Variants in CCDC192 observed in about 807,000 individuals in gnomAD.
CCDC192 encodes coiled-coil domain containing 192, also known as coiled-coil domain-containing protein 192.
chr5:127,764,824 C>T (rs1755129760), intron 3 of CCDC192, among the ~76,000 whole-genome samples: 1 of 152,102 alleles, frequency 6.6e-6, no homozygotes, highest in Non-Finnish European at 1.5e-5. Flanking sequence ...CATCCTGGGC[C>T]ACATGTGGCC....
At chr5:127,806,680 TAAGACA>T (rs1757802904) in intron 5 of CCDC192, among the ~76,000 whole-genome samples, 1 of 152,130 alleles carries the variant, frequency 6.6e-6, no homozygotes, top group East Asian at 1.9e-4. Context: ...GGGAACAATG[TAAGACA>T]GTCTCAGCTC....
At chr5:127,702,516 T>C (rs939909560), upstream of CCDC192, among the ~76,000 whole-genome samples, 6 of 152,262 alleles carry the variant, frequency 3.9e-5, no homozygotes, top group Non-Finnish European at 7.3e-5. Context: ...TACTCTTTAA[T>C]AGATCAGTCT....
chr5:127,873,435 C>G (rs937388160), intron 5 of CCDC192, among the ~76,000 whole-genome samples: 3 of 152,146 alleles, frequency 2.0e-5, no homozygotes, highest in African/African-American at 4.8e-5. Flanking sequence ...AAACTAGATT[C>G]TATAGTGAAT....
intron 2 of CCDC192, among the ~76,000 whole-genome samples, chr5:127,718,623 C>G (rs1164083954): frequency 2.0e-5 from 3 of 152,164 alleles, no homozygotes; most frequent in Non-Finnish European, 4.4e-5. Flanking sequence ...TTACTCTGTA[C>G]TAACACTTTG....
intron 3 of CCDC192, among the ~76,000 whole-genome samples, chr5:127,788,082 A>AG (rs1376146977): frequency 2.0e-5 from 2 of 100,712 alleles, no homozygotes; most frequent in Non-Finnish European, 4.0e-5. Flanking sequence ...ACTTCACCTC[A>AG]GAAAAAAAAA....
intron 5 of CCDC192, among the ~76,000 whole-genome samples, chr5:127,811,624 T>C (rs1299650223): frequency 6.6e-6 from 1 of 152,190 alleles, no homozygotes; most frequent in African/African-American, 2.4e-5. Flanking sequence ...AAATCAAAGC[T>C]GTAAGCATTA....
chr5:127,860,925 T>G (rs1400488628), intron 5 of CCDC192, among the ~76,000 whole-genome samples: 4 of 152,320 alleles, frequency 2.6e-5, no homozygotes, highest in African/African-American at 7.2e-5. Context: ...AGTTTTCGCT[T>G]TCTTTTATAG....
intron 2 of CCDC192, among the ~76,000 whole-genome samples, chr5:127,726,318 T>C (rs954502433): frequency 1.9e-4 from 29 of 152,316 alleles, no homozygotes; most frequent in African/African-American, 6.3e-4. Context: ...GGGGGTTAAA[T>C]TGCATTAATT....
At chr5:127,924,640 A>C (rs1030822738) in intron 6 of CCDC192, among the ~76,000 whole-genome samples, 2 of 152,336 alleles carry the variant, frequency 1.3e-5, no homozygotes, top group Admixed American at 1.3e-4. Flanking sequence ...ACTTCCATGG[A>C]CTTACATATT....
intron 6 of CCDC192, chr5:127,935,114 A>G (rs1434520892): frequency 7.9e-5 from 12 of 152,386 alleles, no homozygotes; most frequent in Non-Finnish European, 1.5e-4. Context: ...GTGAGTACCC[A>G]GCTGAGGTGT....
intron 5 of CCDC192, among the ~76,000 whole-genome samples, chr5:127,813,954 A>G (rs1758217996): frequency 6.6e-6 from 1 of 152,250 alleles, no homozygotes; most frequent in South Asian, 2.1e-4. Flanking sequence ...CAAAATAAAT[A>G]GTTATTAATT....
At chr5:127,738,023 T>C (rs1385155644) in intron 2 of CCDC192, among the ~76,000 whole-genome samples, 1 of 152,060 alleles carries the variant, frequency 6.6e-6, no homozygotes, top group Admixed American at 6.5e-5. Flanking sequence ...TTCTTCCTAG[T>C]CTCGATGGTC....
In CCDC192 at chr5:127,813,147, C is replaced by A. The variant is rs557886456; in HGVS notation, c.411+14985C>A. Among the ~76,000 whole-genome samples, 3 of 152,302 alleles carry A rather than the reference C, an allele frequency of 2.0e-5. No homozygotes were observed. The South Asian group carries it at 6.2e-4, about 32-fold the overall frequency. On this transcript the variant is annotated intron_variant, in intron 5 of 6. Coordinates refer to ENST00000514853, the MANE Select transcript of CCDC192 (RefSeq NM_001317938.2). ...AAGGGCCTGATGGCACACACCTTTCCATGAGGCCCTTTTGACGTTACTGTT... is the reference window on the plus strand; with the variant it reads ...AAGGGCCTGATGGCACACACCTTTCAATGAGGCCCTTTTGACGTTACTGTT...
chr5:127,870,998 A>G (rs1458224588), intron 5 of CCDC192, among the ~76,000 whole-genome samples: 1 of 152,242 alleles, frequency 6.6e-6, no homozygotes, highest in South Asian at 2.1e-4. Context: ...TTTGTTATAC[A>G]GGCTCTCTAA....
intron 6 of CCDC192, among the ~76,000 whole-genome samples, chr5:127,907,058 A>C (rs1330825625): frequency 1.3e-5 from 2 of 152,040 alleles, no homozygotes; most frequent in Non-Finnish European, 2.9e-5. Flanking sequence ...TTTTCACGAT[A>C]GCCATCCTAA....
intron 2 of CCDC192, among the ~76,000 whole-genome samples, chr5:127,745,992 T>C (rs913311265): frequency 6.6e-6 from 1 of 152,238 alleles, no homozygotes; most frequent in Non-Finnish European, 1.5e-5. Flanking sequence ...GTTTACTTAT[T>C]TTTGAAATTG....
chr5:127,775,221 T>C (rs1472490395), intron 3 of CCDC192, among the ~76,000 whole-genome samples: 1 of 152,074 alleles, frequency 6.6e-6, no homozygotes, highest in Non-Finnish European at 1.5e-5. Context: ...AAGTAAACAG[T>C]CCAAAGCCCA....
At chr5:127,804,385 G>C (rs1757670246) in intron 5 of CCDC192, among the ~76,000 whole-genome samples, 1 of 152,140 alleles carries the variant, frequency 6.6e-6, no homozygotes, top group South Asian at 2.1e-4. Context: ...TGTGCCAACT[G>C]GACTCTCTCT....
intron 2 of CCDC192, among the ~76,000 whole-genome samples, chr5:127,729,604 A>G (rs1035730841): frequency 6.6e-5 from 10 of 152,158 alleles, no homozygotes; most frequent in Non-Finnish European, 1.0e-4. Flanking sequence ...CTCTAAAATC[A>G]GTCACATAAT....
Sources: allele counts gnomAD v4.1 joint callset (sites outside exome capture counted in the v4.1 genomes callset), GRCh38; gene constraint gnomAD v4.1.1; transcripts MANE v1.5; gene names NCBI Gene and HGNC (gene_info 2026-07-23, HGNC 2026-07-21).